ATP2C1: variants seen among roughly 807,000 people sequenced by gnomAD.
ATP2C1 encodes ATPase secretory pathway Ca2+ transporting 1.
Under a neutral mutation model 120.5 loss-of-function variants are expected in ATP2C1, and 31 were observed. The ratio of observed to expected loss-of-function variants is 0.26; its 90% CI spans 0.19 to 0.35. The LOEUF (loss-of-function observed/expected upper bound fraction) is 0.35, where lower values mean the gene tolerates loss of function less well. Among genes scored for constraint, ATP2C1 ranks in the 10% least tolerant of loss-of-function variants. The pLI is 1.00. For missense variants in ATP2C1, 731 were observed against 1,107.5 expected, an observed-to-expected ratio of 0.66 and a Z score of 4.83; for synonymous variants, 351 against 358.7, an observed-to-expected ratio of 0.98 and a Z score of 0.24.
Position 130,941,223 on chromosome 3 carries a change from A to AGTGTGTGT in ATP2C1, c.423-333_423-326dup, listed in dbSNP as rs71774561. On this transcript the variant is annotated intron_variant, in intron 7 of 27. Coordinates refer to ENST00000510168, the MANE Select transcript of ATP2C1 (RefSeq NM_001378687.1). The stretch of plus-strand genomic sequence containing the variant: ...GCCACCGCGCCCGGCTGTATTTAAC[A>AGTGTGTGT]GTGTGTGTGTGTGTGTGTGTGTGTG... Among the ~76,000 whole-genome samples the AGTGTGTGT allele has an allele frequency of 7.3e-4, 106 of 144,408 alleles. 1 individual carries two copies. Among genetic ancestry groups the AGTGTGTGT allele is most frequent in the African/African-American group, 2.4e-3 (94 of 38,516 alleles). The allele number at this position is 144,408 out of a possible 152,430, so 94.7% of individuals were successfully genotyped here. A position where few individuals can be genotyped will look rare whatever the true frequency, so the allele number is the denominator to read the frequency against.
chr3:130,896,893 T>C (rs1225454933), intron 2 of ATP2C1, among the ~76,000 whole-genome samples: 4 of 152,244 alleles, frequency 2.6e-5, no homozygotes, highest in Non-Finnish European at 5.9e-5. Flanking sequence ...GCAGACTGAT[T>C]TGAATGCTGG....
chr3:130,927,407 A>G (rs1293786781), intron 2 of ATP2C1, among the ~76,000 whole-genome samples: 1 of 151,762 alleles, frequency 6.6e-6, no homozygotes, highest in African/African-American at 2.4e-5. Flanking sequence ...TGCCTGGCTA[A>G]TTTTTTGTAT....
intron 17 of ATP2C1, among the ~76,000 whole-genome samples, chr3:130,970,499 C>T (rs1254506964): frequency 1.3e-5 from 2 of 151,916 alleles, no homozygotes; most frequent in Non-Finnish European, 2.9e-5. Context: ...CACAAGTGAT[C>T]TTCCCACTTC....
At chr3:130,955,968 G>A (rs1425093112) in intron 10 of ATP2C1, 136 bp from the exon 11 acceptor site, 1 of 670,070 alleles carries the variant, frequency 1.5e-6, no homozygotes, top group Non-Finnish European at 2.8e-6. Context: ...CTCAGTGAAG[G>A]TGATTATTTA....
Position 130,906,511 on chromosome 3 carries a change from T to C in ATP2C1, c.6+11736T>C, listed in dbSNP as rs563771393. Among the ~76,000 whole-genome samples the C allele has an allele frequency of 2.0e-5, 3 of 152,122 alleles. No individual in the cohort carries two copies. The South Asian group carries it at 6.2e-4, about 32-fold the overall frequency. ...GGTTTTTGTGTAAACATGTTTTCAG[T>C]TTTTTCAGGTGTATACTTAGGAGTA... On this transcript the variant is annotated intron_variant, in intron 2 of 27. Coordinates refer to ENST00000510168, the MANE Select transcript of ATP2C1 (RefSeq NM_001378687.1).
intron 1 of ATP2C1, among the ~76,000 whole-genome samples, chr3:130,884,803 G>A (rs2068907343): frequency 6.6e-6 from 1 of 151,940 alleles, no homozygotes; most frequent in Admixed American, 6.6e-5. Flanking sequence ...TATTTTGTCT[G>A]ATATAAGCAT....
intron 6 of ATP2C1, among the ~76,000 whole-genome samples, chr3:130,940,289 A>G (rs2059837229): frequency 1.3e-5 from 2 of 152,250 alleles, no homozygotes; most frequent in African/African-American, 2.4e-5. Context: ...CACTTAACAT[A>G]AGATTATCTA....
At chr3:130,852,331 T>G (rs2067699463) in intron 1 of ATP2C1, among the ~76,000 whole-genome samples, 1 of 152,172 alleles carries the variant, frequency 6.6e-6, no homozygotes, top group South Asian at 2.1e-4. Context: ...GGAATGTGAA[T>G]TGAGTGATTT....
chr3:130,894,149 T>TCC lies in ATP2C1; in HGVS notation c.-366_-365dup. ...ACGGGTCCCCTCACCTCCTCTTCTC[T>TCC]CCCCTCCCCGCCCGCCCTCTCTCCC... On this transcript the variant is annotated 5_prime_UTR_variant, in exon 1 of 28. Coordinates refer to ENST00000510168, the MANE Select transcript of ATP2C1 (RefSeq NM_001378687.1). The surrounding 1 kb of genome is among the most constrained non-coding windows in gnomAD (Gnocchi z 4.5). The TCC allele has an allele frequency of 1.4e-6, 1 of 694,858 alleles. No individual in the cohort carries two copies. The highest frequency in any genetic ancestry group is 1.8e-6 in the Non-Finnish European group (1 of 565,212). The allele number at this position is 694,858 out of a possible 1,614,324, so 43.0% of individuals were successfully genotyped here.
chr3:130,939,503 T>C (rs772015498), intron 6 of ATP2C1, among the ~76,000 whole-genome samples: 8 of 152,348 alleles, frequency 5.3e-5, no homozygotes, highest in Non-Finnish European at 1.2e-4. Context: ...CATTTTGATA[T>C]AGAGGTATCT....
chr3:131,003,413 C>G (rs1258213238), downstream of ATP2C1, among the ~76,000 whole-genome samples: 1 of 152,140 alleles, frequency 6.6e-6, no homozygotes, highest in Non-Finnish European at 1.5e-5. Context: ...GCTAGAGTCC[C>G]TAACAATACT....
At chr3:130,903,924 T>C (rs2058000503) in intron 2 of ATP2C1, among the ~76,000 whole-genome samples, 1 of 152,044 alleles carries the variant, frequency 6.6e-6, no homozygotes, top group Non-Finnish European at 1.5e-5. Context: ...CAAACAGATG[T>C]ATCAGTAGAT....
chr3:131,015,304 C>T (rs1488903715), intron 26 of ATP2C1: 1 of 680,920 alleles, frequency 1.5e-6, no homozygotes, highest in South Asian at 1.6e-5. Flanking sequence ...ACAGAGTTTA[C>T]ATCTGAGTGG....
chr3:130,913,702 G>A (rs2058552344), intron 2 of ATP2C1, among the ~76,000 whole-genome samples: 1 of 152,138 alleles, frequency 6.6e-6, no homozygotes, highest in African/African-American at 2.4e-5. Flanking sequence ...AAAGAAGCCT[G>A]TATTCTTAGA....
At chr3:130,943,335 G>A (rs915124532) in intron 8 of ATP2C1, among the ~76,000 whole-genome samples, 1 of 151,934 alleles carries the variant, frequency 6.6e-6, no homozygotes, top group Non-Finnish European at 1.5e-5. Context: ...CCTGCCTCAG[G>A]CTCCCAATAG....
intron 1 of ATP2C1, among the ~76,000 whole-genome samples, chr3:130,865,366 CTTTCTCTCAGGTG>C (rs1187171417): frequency 1.3e-5 from 2 of 152,134 alleles, no homozygotes; most frequent in African/African-American, 4.8e-5. Flanking sequence ...AGGGACTTGC[CTTTCTCTCAGGTG>C]AAACTTTGAA....
intron 20 of ATP2C1, among the ~76,000 whole-genome samples, chr3:130,988,600 C>T (rs992998926): frequency 2.6e-5 from 4 of 152,100 alleles, no homozygotes; most frequent in African/African-American, 4.8e-5. Context: ...ATGACACCCA[C>T]GACCAGCAAG....
At chr3:131,006,078 A>G (rs2063098596), downstream of ATP2C1, among the ~76,000 whole-genome samples, 18 of 152,222 alleles carry the variant, frequency 1.2e-4, no homozygotes, top group Admixed American at 1.2e-3. Context: ...TGAATGAGTA[A>G]TTATGGCAGA....
At chr3:130,950,343 TAC>T (rs2060318806) in intron 8 of ATP2C1, among the ~76,000 whole-genome samples, 1 of 152,146 alleles carries the variant, frequency 6.6e-6, no homozygotes, top group Admixed American at 6.6e-5. Flanking sequence ...GAGGGTTTAA[TAC>T]TTAAACTTCT....
Sources: allele counts gnomAD v4.1 joint callset (sites outside exome capture counted in the v4.1 genomes callset), GRCh38; gene constraint gnomAD v4.1.1; non-coding constraint Gnocchi (gnomAD v3.1); transcripts MANE v1.5; gene names NCBI Gene and HGNC (gene_info 2026-07-23, HGNC 2026-07-21).